Variants in ANKRD17 observed in about 807,000 individuals in gnomAD.
ANKRD17 encodes the protein ankyrin repeat domain-containing protein 17.
ANKRD17 carries 19 observed loss-of-function variants against 229.7 expected under a neutral mutation model. The observed-to-expected ratio is 0.08, with a 90% CI of 0.06 to 0.12. The LOEUF is 0.12. ANKRD17 is among the 10% of genes least tolerant of loss of function. The pLI, the probability that ANKRD17 is intolerant of heterozygous loss-of-function variation, is 1.00. For synonymous variants in ANKRD17, 1,112 were observed against 1,146.1 expected (o/e 0.97, Z 0.60); for missense variants, 2,176 against 3,176.8 (o/e 0.68, Z 7.57).
At chr4:73,079,361 G>A (rs999692549) in intron 30 of ANKRD17, among the ~76,000 whole-genome samples, 7 of 152,042 alleles carry the variant, frequency 4.6e-5, no homozygotes, top group African/African-American at 7.2e-5. Context: ...AAAGAAATAC[G>A]TTTCTTTGTT....
At chr4:73,164,028 A>G (rs948977252) in intron 2 of ANKRD17, among the ~76,000 whole-genome samples, 2 of 152,210 alleles carry the variant, frequency 1.3e-5, no homozygotes, top group Non-Finnish European at 1.5e-5. Context: ...GATAAGACTG[A>G]TACCTACTGT....
intron 1 of ANKRD17, among the ~76,000 whole-genome samples, chr4:73,204,374 A>AG (rs1447036560): frequency 1.3e-5 from 2 of 150,994 alleles, no homozygotes; most frequent in African/African-American, 2.4e-5. Flanking sequence ...AAAAAAAAAA[A>AG]AAAAAGAAAA....
At chr4:73,162,963 G>A (rs534130203) in intron 2 of ANKRD17, among the ~76,000 whole-genome samples, 42 of 151,568 alleles carry the variant, frequency 2.8e-4, no homozygotes, top group South Asian at 8.3e-4. Flanking sequence ...GGGCTCAAGT[G>A]ATCCCCCACT....
chr4:73,186,977 C>CAT (rs1482008506), intron 1 of ANKRD17, among the ~76,000 whole-genome samples: 6 of 151,864 alleles, frequency 4.0e-5, no homozygotes, highest in Admixed American at 3.9e-4. Context: ...CACACACACA[C>CAT]ATATATACAC....
chr4:73,123,380 T>A (rs1179562654), intron 18 of ANKRD17, among the ~76,000 whole-genome samples: 2 of 152,086 alleles, frequency 1.3e-5, no homozygotes, highest in African/African-American at 4.8e-5. Context: ...ATATTTGGCT[T>A]ATAATACTTT....
chr4:73,248,942 AT>A (rs1744743774), intron 1 of ANKRD17, among the ~76,000 whole-genome samples: 1 of 152,124 alleles, frequency 6.6e-6, no homozygotes, highest in Non-Finnish European at 1.5e-5. Flanking sequence ...CATTAAAAAA[AT>A]AAACATGGCA....
chr4:73,219,216 TACA>T (rs1741531195), intron 1 of ANKRD17, among the ~76,000 whole-genome samples: 1 of 152,226 alleles, frequency 6.6e-6, no homozygotes, highest in Non-Finnish European at 1.5e-5. Flanking sequence ...TAAGAGTTAC[TACA>T]ACTTTTCCTA....
At chr4:73,169,766 C>T (rs560468517) in intron 2 of ANKRD17, among the ~76,000 whole-genome samples, 3 of 152,298 alleles carry the variant, frequency 2.0e-5, no homozygotes, top group Admixed American at 2.0e-4. Flanking sequence ...AACTGTAAGA[C>T]GGAGAGCATA....
chr4:73,180,695 G>T (rs1215138828), intron 1 of ANKRD17, among the ~76,000 whole-genome samples: 1 of 152,144 alleles, frequency 6.6e-6, no homozygotes, highest in African/African-American at 2.4e-5. Context: ...GAACAGGAAT[G>T]AATATTTATT....
At chr4:73,230,357 C>T (rs371821816) in intron 1 of ANKRD17, among the ~76,000 whole-genome samples, 6 of 151,924 alleles carry the variant, frequency 3.9e-5, no homozygotes, top group Admixed American at 1.3e-4. Context: ...TCTCAAGGCT[C>T]ATACTATAAA....
intron 1 of ANKRD17, among the ~76,000 whole-genome samples, chr4:73,186,963 G>GAT (rs934836840): frequency 3.7e-5 from 5 of 135,822 alleles, no homozygotes; most frequent in African/African-American, 1.7e-4. Flanking sequence ...AACACACACA[G>GAT]ATACACACAC....
In ANKRD17 at chr4:73,184,438, A is replaced by T. The variant is rs1006858094; in HGVS notation, c.394-6905T>A. On this transcript the variant is annotated intron_variant, in intron 1 of 33. Coordinates refer to ENST00000358602, the MANE Select transcript of ANKRD17 (RefSeq NM_032217.5). ...TAGCTACTCAGGAGGCTGAGACAGG[A>T]GAATCACTTGAATCTGGGAGGCAGA... Among the ~76,000 whole-genome samples, 9 of 146,950 alleles carry T rather than the reference A, an allele frequency of 6.1e-5. No homozygotes were observed. The Admixed American group carries it at 6.2e-4, about 10-fold the overall frequency.
chr4:73,195,214 T>A (rs1241444387), intron 1 of ANKRD17, among the ~76,000 whole-genome samples: 1 of 152,190 alleles, frequency 6.6e-6, no homozygotes, highest in Non-Finnish European at 1.5e-5. Flanking sequence ...ATTCCTAGGA[T>A]ACACACCATT....
Position 73,102,532 on chromosome 4 carries a change from G to T in ANKRD17, c.4417C>A (p.Arg1473=), listed in dbSNP as rs143314189. 208 of 1,597,716 alleles carry T rather than the reference G, an allele frequency of 1.3e-4. No homozygotes were observed. The highest frequency in any genetic ancestry group is 1.5e-4 in the Non-Finnish European group (178 of 1,176,824). Residue 1473 remains arginine, a synonymous_variant, in exon 25 of 34, where the codon CGG becomes AGG. Transcript: ENST00000358602. ...CTTTTCGCAGCCAAAGCCAGCCTCC[G>T]ACTTTCTTCCCTTAACTGTTAAAGA... ...LDLEKLREES[R]RLALAAKREK...
At chr4:73,231,917 T>C (rs1450795346) in intron 1 of ANKRD17, among the ~76,000 whole-genome samples, 1 of 152,168 alleles carries the variant, frequency 6.6e-6, no homozygotes, top group Non-Finnish European at 1.5e-5. Flanking sequence ...CAGAACACAG[T>C]GGAAGTTACT....
At chr4:73,118,996 C>T in intron 21 of ANKRD17, 146 bp from the exon 22 acceptor site, 1 of 778,704 alleles carries the variant, frequency 1.3e-6, no homozygotes, top group Non-Finnish European at 2.0e-6. Context: ...ATATGATTCT[C>T]CTACCTCAGC....
chr4:73,188,894 A>G (rs1045599720), intron 1 of ANKRD17, among the ~76,000 whole-genome samples: 1 of 152,202 alleles, frequency 6.6e-6, no homozygotes, highest in Admixed American at 6.5e-5. Flanking sequence ...GAGCACATCT[A>G]TGAATCAATA....
Position 73,258,339 on chromosome 4 carries a change from GCCGCCGCCGCCACCTCCGCCTCCA to G in ANKRD17, c.306_329del (p.Gly103_Gly110del), listed in dbSNP as rs768729766. On this transcript the variant is annotated inframe_deletion, in exon 1 of 34. Transcript: ENST00000358602. ...CTTCCTCGCTGTTGTTACTGCTGGTGCCGCCGCCGCCACCTCCGCCTCCACCGCCGCCTCCACCGCCGCCGCTGT... is the reference window on the plus strand; with the variant it reads ...CTTCCTCGCTGTTGTTACTGCTGGTGCCGCCGCCTCCACCGCCGCCGCTGT... 1.9e-5 allele frequency: 30 copies of G among 1,612,554 alleles called. No individual in the cohort carries two copies. The highest frequency in any genetic ancestry group is 1.3e-4 in the South Asian group (12 of 91,084).
intron 25 of ANKRD17, among the ~76,000 whole-genome samples, chr4:73,100,046 TC>T (rs1289750708): frequency 6.6e-6 from 1 of 152,152 alleles, no homozygotes; most frequent in Non-Finnish European, 1.5e-5. Flanking sequence ...CTCCTGCTCC[TC>T]CCTGCCCCCC....
Sources: allele counts gnomAD v4.1 joint callset (sites outside exome capture counted in the v4.1 genomes callset), GRCh38; gene constraint gnomAD v4.1.1; transcripts MANE v1.5; gene names NCBI Gene and HGNC (gene_info 2026-07-23, HGNC 2026-07-21).